CENPP: variants seen among roughly 807,000 people sequenced by gnomAD.
CENPP encodes centromere protein P.
Under a neutral mutation model 35.6 loss-of-function variants are expected in CENPP, and 24 were observed. The ratio of observed to expected loss-of-function variants is 0.67; its 90% CI spans 0.49 to 0.95. The LOEUF (loss-of-function observed/expected upper bound fraction) is 0.95, where lower values mean the gene tolerates loss of function less well. CENPP is among the 40% of genes least tolerant of loss of function. The pLI, the probability that CENPP is intolerant of heterozygous loss-of-function variation, is 0.00. For synonymous variants in CENPP, 120 were observed against 125.5 expected, an observed-to-expected ratio of 0.96 and a Z score of 0.29; for missense variants, 332 against 345.3, an observed-to-expected ratio of 0.96 and a Z score of 0.31.
chr9:92,396,475 C>T (rs756060422), intron 5 of CENPP, among the ~76,000 whole-genome samples: 3 of 151,826 alleles, frequency 2.0e-5, no homozygotes, highest in African/African-American at 7.3e-5. Context: ...TTCTAGACCT[C>T]GAACATAATA....
chr9:92,379,712 G>A (rs760602540), intron 4 of CENPP, 51 bp from the exon 5 acceptor site: 3 of 1,325,304 alleles, frequency 2.3e-6, no homozygotes, highest in Non-Finnish European at 3.2e-6. Context: ...AGCTAGATTG[G>A]GTCTATCATT....
chr9:92,442,600 A>G (rs1564322273), intron 5 of CENPP, among the ~76,000 whole-genome samples: 1 of 152,072 alleles, frequency 6.6e-6, no homozygotes, highest in African/African-American at 2.4e-5. Context: ...CTGTAATCCT[A>G]GCACTTTGGG....
chr9:92,494,125 CTCTAGAACAGCA>C, intron 5 of CENPP: 1 of 1,597,790 alleles, frequency 6.3e-7, no homozygotes, highest in Non-Finnish European at 8.5e-7. Context: ...TTGTCACTGT[CTCTAGAACAGCA>C]TCTGAAACAC....
chr9:92,446,688 T>C (rs1486017747), intron 5 of CENPP, among the ~76,000 whole-genome samples: 1 of 151,934 alleles, frequency 6.6e-6, no homozygotes, highest in African/African-American at 2.4e-5. Flanking sequence ...ATGTTAGCTT[T>C]GGGGAGGGGA....
chr9:92,394,109 C>T (rs538075440), intron 5 of CENPP, among the ~76,000 whole-genome samples: 3 of 152,204 alleles, frequency 2.0e-5, no homozygotes, highest in South Asian at 4.1e-4. Flanking sequence ...GATTCTTACC[C>T]GAATCATTTG....
At chr9:92,352,284 C>G (rs574737850) in intron 4 of CENPP, among the ~76,000 whole-genome samples, 1 of 150,058 alleles carries the variant, frequency 6.7e-6, no homozygotes, top group Non-Finnish European at 1.5e-5. Context: ...GCACGAAAAT[C>G]GCTTGAACCG....
chr9:92,388,185 A>G (rs1842513557), intron 5 of CENPP, among the ~76,000 whole-genome samples: 1 of 150,434 alleles, frequency 6.6e-6, no homozygotes, highest in Non-Finnish European at 1.5e-5. Flanking sequence ...TGGAGACTGA[A>G]TCTTGCTCTG....
chr9:92,459,054 T>G (rs1027033802), intron 5 of CENPP, among the ~76,000 whole-genome samples: 2 of 152,146 alleles, frequency 1.3e-5, no homozygotes, highest in African/African-American at 2.4e-5. Context: ...TTCCAGCCAG[T>G]TAAGAGTTGT....
At chr9:92,548,712 A>G (rs1849525723) in intron 5 of CENPP, among the ~76,000 whole-genome samples, 1 of 152,218 alleles carries the variant, frequency 6.6e-6, no homozygotes. Context: ...AGAAAATTAT[A>G]AAATTTTGAG....
At chr9:92,583,503 T>C (rs1170157368) in intron 5 of CENPP, among the ~76,000 whole-genome samples, 1 of 152,258 alleles carries the variant, frequency 6.6e-6, no homozygotes, top group African/African-American at 2.4e-5. Flanking sequence ...AGGAATCTTG[T>C]AGGTTTTAAC....
At chr9:92,571,995 A>G (rs569030746) in intron 5 of CENPP, among the ~76,000 whole-genome samples, 1 of 148,914 alleles carries the variant, frequency 6.7e-6, no homozygotes, top group East Asian at 2.0e-4. Flanking sequence ...TGCACATGAG[A>G]TGGGTCTCCT....
At position 92,620,036 on chromosome 9, in the gene CENPP, G is replaced by A. The variant is rs1400783338; in HGVS notation, c.*6887G>A. 1.7e-5 allele frequency: 3 copies of A among 174,850 alleles called. No homozygotes were observed. The highest frequency in any genetic ancestry group is 1.6e-4 in the Admixed American group (3 of 18,316). The allele number at this position is 174,850 out of a possible 1,614,324, so 10.8% of individuals were successfully genotyped here. A position where few individuals can be genotyped will look rare whatever the true frequency, so the allele number is the denominator to read the frequency against. ...CCTCCGGAACATCATACAGCCACCA[G>A]AGACAACGGCAGACGGCCACCCTTC... On this transcript the variant is annotated 3_prime_UTR_variant, in exon 8 of 8. Coordinates refer to ENST00000375587, the MANE Select transcript of CENPP (RefSeq NM_001012267.3).
chr9:92,434,303 C>T lies in CENPP; in HGVS notation c.564+54444C>T, dbSNP rs892374415. Reference sequence around the variant, plus strand: ...ACTCGGGAGGCTGAGGCAGAAGAATCGCTTGAACCCAGTAGACCAAGGTTG... The same window carrying T: ...ACTCGGGAGGCTGAGGCAGAAGAATTGCTTGAACCCAGTAGACCAAGGTTG... On this transcript the variant is annotated intron_variant, in intron 5 of 7. Coordinates refer to ENST00000375587, the MANE Select transcript of CENPP (RefSeq NM_001012267.3). Among the ~76,000 whole-genome samples the T allele has an allele frequency of 3.3e-5, 5 of 151,088 alleles. No individual in the cohort carries two copies. In the East Asian group the frequency reaches 5.9e-4, roughly 18 times the overall value.
At chr9:92,502,384 G>T (rs568087825) in intron 5 of CENPP, 24 of 1,179,856 alleles carry the variant, frequency 2.0e-5, no homozygotes, top group Middle Eastern at 4.9e-4. Context: ...ACTAAGAAAC[G>T]ATTCTGTCTC....
chr9:92,335,850 T>C (rs980510374), intron 2 of CENPP, among the ~76,000 whole-genome samples: 1 of 152,242 alleles, frequency 6.6e-6, no homozygotes, highest in Non-Finnish European at 1.5e-5. Context: ...TCTTGAAGTT[T>C]ATTCTGGCTC....
intron 5 of CENPP, chr9:92,516,650 A>G (rs752051095): frequency 5.9e-5 from 9 of 152,244 alleles, no homozygotes; most frequent in Non-Finnish European, 1.0e-4. Flanking sequence ...TATTTTTCCA[A>G]AATAACTACA....
chr9:92,415,061 A>C, intron 5 of CENPP: 2 of 952,094 alleles, frequency 2.1e-6, no homozygotes, highest in Non-Finnish European at 3.1e-6. Flanking sequence ...AATTCTAAAT[A>C]TATTACTTTG....
chr9:92,531,936 C>CT (rs1848782040), intron 5 of CENPP, among the ~76,000 whole-genome samples: 1 of 151,128 alleles, frequency 6.6e-6, no homozygotes, highest in Admixed American at 6.6e-5. Flanking sequence ...TCCCCCTACA[C>CT]TTTCATTTCC....
intron 5 of CENPP, among the ~76,000 whole-genome samples, chr9:92,462,511 G>A (rs1173336682): frequency 6.6e-6 from 1 of 152,078 alleles, no homozygotes; most frequent in Admixed American, 6.6e-5. Context: ...CCAAGTATCT[G>A]GTTAGCTAGC....
Sources: allele counts gnomAD v4.1 joint callset (sites outside exome capture counted in the v4.1 genomes callset), GRCh38; gene constraint gnomAD v4.1.1; transcripts MANE v1.5; gene names NCBI Gene and HGNC (gene_info 2026-07-23, HGNC 2026-07-21).